The following PIK3C2G variants were observed in gnomAD, a reference collection of about 807,000 sequenced individuals.
PIK3C2G encodes phosphatidylinositol-4-phosphate 3-kinase catalytic subunit type 2 gamma.
A neutral mutation model predicts 181.1 loss-of-function variants in PIK3C2G; 168 were observed. The observed-to-expected ratio is 0.93, with a 90% CI of 0.82 to 1.05. PIK3C2G has a LOEUF of 1.05. PIK3C2G is among the 50% of genes least tolerant of loss of function. The pLI is 0.00. For synonymous variants in PIK3C2G, 573 were observed against 592.2 expected (o/e 0.97, Z 0.47); for missense variants, 1,869 against 1,732.8 (o/e 1.08, Z -1.40).
intron 12 of PIK3C2G, among the ~76,000 whole-genome samples, chr12:18,367,957 A>G (rs1941759352): frequency 6.6e-6 from 1 of 152,170 alleles, no homozygotes; most frequent in Non-Finnish European, 1.5e-5. Context: ...GGATAGGAGA[A>G]GCAAGTACCT....
chr12:18,350,742 T>A (rs950623150), intron 11 of PIK3C2G, among the ~76,000 whole-genome samples: 3 of 152,094 alleles, frequency 2.0e-5, no homozygotes, highest in African/African-American at 7.2e-5. Context: ...AAGACCAACA[T>A]AATGGACTCT....
chr12:18,615,367 GT>G (rs1948554184), intron 31 of PIK3C2G, among the ~76,000 whole-genome samples: 1 of 88,504 alleles, frequency 1.1e-5, no homozygotes, highest in Non-Finnish European at 2.4e-5. Context: ...GTGTGTGTGT[GT>G]GTATGTGTAT....
intron 14 of PIK3C2G, among the ~76,000 whole-genome samples, chr12:18,384,108 C>G (rs892124898): frequency 2.0e-5 from 3 of 151,928 alleles, no homozygotes; most frequent in African/African-American, 4.8e-5. Context: ...AGGCGTGAGC[C>G]ACTGCACCCA....
At chr12:18,464,957 T>A (rs866750947) in intron 18 of PIK3C2G, among the ~76,000 whole-genome samples, 2 of 152,032 alleles carry the variant, frequency 1.3e-5, no homozygotes, top group Admixed American at 6.6e-5. Flanking sequence ...TTTCCTTTGT[T>A]ATCTTATTTT....
intron 29 of PIK3C2G, among the ~76,000 whole-genome samples, chr12:18,580,550 G>C (rs1946445007): frequency 6.6e-6 from 1 of 152,140 alleles, no homozygotes; most frequent in East Asian, 1.9e-4. Flanking sequence ...TTGCACGCAG[G>C]ATAAATGTCA....
intron 4 of PIK3C2G, among the ~76,000 whole-genome samples, chr12:18,291,256 G>A (rs1949680802): frequency 6.6e-6 from 1 of 152,136 alleles, no homozygotes; most frequent in Non-Finnish European, 1.5e-5. Context: ...GCTATAAAAT[G>A]CTTAATAGCA....
the PIK3C2G span, chr12:18,693,603 A>T: frequency 7.2e-5 from 114 of 1,576,702 alleles, no homozygotes; most frequent in African/African-American, 1.5e-3. Flanking sequence ...GTTGCTGAAG[A>T]ACGTGCACCG....
At chr12:18,493,730 C>T (rs190539837) in intron 20 of PIK3C2G, 209 of 152,328 alleles carry the variant, frequency 1.4e-3, no homozygotes, top group Non-Finnish European at 2.5e-3. Flanking sequence ...AGCATTCTAT[C>T]ACTATCAGTC....
rs1185306205 is a variant in PIK3C2G, at chr12:18,320,991, G to A, written c.1167G>A (p.Leu389=). Residue 389 remains leucine, a synonymous_variant, in exon 7 of 33, where the codon CTG becomes CTA. Coordinates refer to ENST00000538779, the MANE Select transcript of PIK3C2G (RefSeq NM_001288772.2). ...AAGAGGACCACAGTCAGTTTTATCT[G>A]AATCAACTTCTAGAATTTATGCATA... The part of the protein sequence containing the change: ...KHEEDHSQFY[L]NQLLEFMHIW... The A allele has an allele frequency of 6.4e-7, 1 of 1,573,950 alleles. No homozygotes were observed. Among genetic ancestry groups the A allele is most frequent in the Non-Finnish European group, 8.7e-7 (1 of 1,147,580 alleles).
intron 18 of PIK3C2G, among the ~76,000 whole-genome samples, chr12:18,453,389 G>C (rs933049508): frequency 1.1e-4 from 16 of 151,198 alleles, no homozygotes; most frequent in Admixed American, 9.2e-4. Context: ...GCTTTTTTTT[G>C]CTTTTCATTT....
intron 24 of PIK3C2G, among the ~76,000 whole-genome samples, chr12:18,508,741 G>A (rs930588904): frequency 6.6e-5 from 10 of 152,008 alleles, no homozygotes; most frequent in Admixed American, 2.0e-4. Flanking sequence ...TCCAGTAATG[G>A]AACACTAGAC....
At chr12:18,705,323 A>C in the PIK3C2G span, 1 of 1,614,096 alleles carries the variant, frequency 6.2e-7, no homozygotes, top group Non-Finnish European at 8.5e-7. Context: ...TGTCTAAAAA[A>C]GTAACCATTA....
intron 1 of PIK3C2G, among the ~76,000 whole-genome samples, chr12:18,254,032 C>A (rs962612731): frequency 6.6e-6 from 1 of 151,896 alleles, no homozygotes; most frequent in Non-Finnish European, 1.5e-5. Flanking sequence ...AAGATGCATC[C>A]TAAGAGCCTA....
chr12:18,538,414 T>C, intron 25 of PIK3C2G, 102 bp downstream of exon 25: 2 of 945,306 alleles, frequency 2.1e-6, no homozygotes. Context: ...CAAGGAGCTA[T>C]TCGGAAGAGA....
intron 1 of PIK3C2G, among the ~76,000 whole-genome samples, chr12:18,277,597 A>C (rs1398332749): frequency 6.6e-6 from 1 of 152,130 alleles, no homozygotes; most frequent in Non-Finnish European, 1.5e-5. Context: ...TATTTCTTCC[A>C]CACTCCTCTC....
intron 29 of PIK3C2G, among the ~76,000 whole-genome samples, chr12:18,590,774 A>G (rs747065456): frequency 1.1e-4 from 17 of 151,938 alleles, no homozygotes; most frequent in Non-Finnish European, 2.4e-4. Context: ...TTATTGATTT[A>G]TCCCTCTCTT....
the PIK3C2G span, chr12:18,701,526 C>T: frequency 6.2e-7 from 1 of 1,613,958 alleles, no homozygotes; most frequent in Non-Finnish European, 8.5e-7. Context: ...AAGCATTACT[C>T]CAGGTAACTT....
chr12:18,261,119 T>A (rs1948221178), upstream of PIK3C2G, among the ~76,000 whole-genome samples: 1 of 152,146 alleles, frequency 6.6e-6, no homozygotes, highest in African/African-American at 2.4e-5. Context: ...AATACCTTTT[T>A]CAAGGGCTCA....
At chr12:18,700,538 A>AAAAAAAAAG in the PIK3C2G span, among the ~76,000 whole-genome samples, 65 of 135,900 alleles carry the variant, frequency 4.8e-4, no homozygotes, top group Non-Finnish European at 7.2e-4. Context: ...AAAAAAAAAT[A>AAAAAAAAAG]GTTGCTCTGC....
Sources: gnomAD v4.1 joint callset for allele counts (sites outside exome capture counted in the v4.1 genomes callset) on GRCh38, gnomAD v4.1.1 for gene constraint, MANE v1.5 for transcripts, NCBI Gene and HGNC (gene_info 2026-07-23, HGNC 2026-07-21) for gene names.